ELF2: variants seen among roughly 807,000 people sequenced by gnomAD.
The protein encoded by ELF2 is ETS-related transcription factor Elf-2.
ELF2 carries 11 observed loss-of-function variants against 54.8 expected under a neutral mutation model. The observed-to-expected ratio is 0.20, with a 90% CI of 0.13 to 0.33. The LOEUF is 0.33. Among genes scored for constraint, ELF2 ranks in the 10% least tolerant of loss-of-function variants. ELF2 has a pLI of 1.00. For synonymous variants in ELF2, 203 were observed against 245.1 expected (o/e 0.83, Z 1.61); for missense variants, 513 against 703.0 (o/e 0.73, Z 3.06).
chr4:139,161,953 G>A (rs1289776491), intron 1 of ELF2, among the ~76,000 whole-genome samples: 1 of 152,166 alleles, frequency 6.6e-6, no homozygotes, highest in African/African-American at 2.4e-5. Context: ...AATTAGCTGG[G>A]TGTGGTGGTG....
chr4:139,131,822 A>G (rs1737517771), intron 3 of ELF2, among the ~76,000 whole-genome samples: 1 of 152,100 alleles, frequency 6.6e-6, no homozygotes. Context: ...AGAGATAGAA[A>G]ACATACACCC....
At chr4:139,174,128 G>C (rs1427754253) in intron 1 of ELF2, among the ~76,000 whole-genome samples, 1 of 146,586 alleles carries the variant, frequency 6.8e-6, no homozygotes, top group Non-Finnish European at 1.5e-5. Flanking sequence ...AGAATCGCTT[G>C]AACCGGGTGG....
intron 4 of ELF2, among the ~76,000 whole-genome samples, chr4:139,076,727 G>A (rs1316624608): frequency 2.0e-5 from 3 of 151,760 alleles, no homozygotes; most frequent in East Asian, 3.9e-4. Context: ...TACATATTAC[G>A]TGCCCTGAAT....
intron 1 of ELF2, among the ~76,000 whole-genome samples, chr4:139,168,265 C>T (rs1457699358): frequency 6.6e-6 from 1 of 152,208 alleles, no homozygotes; most frequent in East Asian, 1.9e-4. Context: ...TCTCCATGGT[C>T]ACTTGGTTTC....
chr4:139,151,032 A>AAAAAAAGAAAG (rs1301387000), intron 1 of ELF2, among the ~76,000 whole-genome samples: 25 of 102,532 alleles, frequency 2.4e-4, no homozygotes, highest in African/African-American at 7.1e-4. Context: ...TCAAAAAAAA[A>AAAAAAAGAAAG]AAAGAAAGAA....
At chr4:139,133,055 G>GGGACTACA (rs1737708344) in intron 3 of ELF2, among the ~76,000 whole-genome samples, 1 of 151,566 alleles carries the variant, frequency 6.6e-6, no homozygotes, top group South Asian at 2.1e-4. Context: ...CCAAGTAGCT[G>GGGACTACA]GGACTACAGG....
At position 139,136,758 on chromosome 4, in the gene ELF2, G is replaced by A. The variant is rs1188874600; in HGVS notation, c.72+872C>T. Reference sequence around the variant, plus strand: ...CGGCTCACTGCAAGCTCCGCCTCTCGGGTTCACACCATTCTCCTGCCTCAG... The same window carrying A: ...CGGCTCACTGCAAGCTCCGCCTCTCAGGTTCACACCATTCTCCTGCCTCAG... On this transcript the variant is annotated intron_variant, in intron 3 of 9. Transcript: ENST00000686138. 2.7e-5 allele frequency: 4 copies of A among 150,006 alleles called. No individual in the cohort carries two copies. The East Asian group carries it at 5.9e-4, about 22-fold the overall frequency. 9.3% of individuals were successfully genotyped at this position (150,006 alleles called of 1,614,324 possible). A position where few individuals can be genotyped will look rare whatever the true frequency, so the allele number is the denominator to read the frequency against.
intron 4 of ELF2, among the ~76,000 whole-genome samples, chr4:139,080,976 CCTTT>C (rs1731034982): frequency 6.7e-6 from 1 of 148,940 alleles, no homozygotes; most frequent in African/African-American, 2.5e-5. Context: ...AGAAGCCCTA[CCTTT>C]CCATTAAGTA....
intron 4 of ELF2, among the ~76,000 whole-genome samples, chr4:139,122,857 T>G (rs1035569929): frequency 1.3e-5 from 2 of 151,992 alleles, no homozygotes; most frequent in African/African-American, 4.8e-5. Flanking sequence ...AACTAATCTA[T>G]GAATATTAAC....
chr4:139,070,157 T>C (rs1012360197), intron 6 of ELF2, among the ~76,000 whole-genome samples: 3 of 152,004 alleles, frequency 2.0e-5, no homozygotes, highest in Non-Finnish European at 4.4e-5. Context: ...AATTTTTAAA[T>C]GGTCACTAAG....
intron 4 of ELF2, among the ~76,000 whole-genome samples, chr4:139,081,355 G>A (rs1436702491): frequency 2.0e-5 from 3 of 152,140 alleles, no homozygotes; most frequent in East Asian, 1.9e-4. Context: ...AAGTATATTC[G>A]AGCTTAACAT....
At chr4:139,125,020 T>G in intron 4 of ELF2, 144 bp downstream of exon 4, 1 of 967,970 alleles carries the variant, frequency 1.0e-6, no homozygotes, top group South Asian at 2.1e-5. Flanking sequence ...CAAATTCCCT[T>G]AAACATAGAT....
intron 4 of ELF2, among the ~76,000 whole-genome samples, chr4:139,091,944 T>C (rs897495187): frequency 8.1e-5 from 12 of 148,960 alleles, no homozygotes; most frequent in African/African-American, 2.9e-4. Flanking sequence ...TACACATATA[T>C]ATACACACAT....
chr4:139,069,478 T>C (rs528040266), intron 6 of ELF2, among the ~76,000 whole-genome samples: 4 of 152,302 alleles, frequency 2.6e-5, no homozygotes, highest in Admixed American at 2.6e-4. Context: ...ATCTTCAGCA[T>C]CTCCTAAATT....
chr4:139,088,748 CTTTTTTTTTT>C (rs370525631), intron 4 of ELF2, among the ~76,000 whole-genome samples: 3 of 147,408 alleles, frequency 2.0e-5, no homozygotes, highest in Non-Finnish European at 4.5e-5. Context: ...CCACCTAGGA[CTTTTTTTTTT>C]TCTTTTTTCT....
chr4:139,097,108 G>A (rs938134129), intron 4 of ELF2, among the ~76,000 whole-genome samples: 5 of 152,032 alleles, frequency 3.3e-5, no homozygotes, highest in African/African-American at 9.7e-5. Context: ...TTATTTTCCA[G>A]TAAATACATT....
Position 139,069,437 on chromosome 4 carries a change from T to C in ELF2, c.527-1667A>G, listed in dbSNP as rs191234329. On this transcript the variant is annotated intron_variant, in intron 6 of 9. Coordinates refer to ENST00000686138, the MANE Select transcript of ELF2 (RefSeq NM_001331036.3). ...AATTACTCAATGTAAATAATATTTA[T>C]ACATATGAATCAGACAGTAATAAAA... Among the ~76,000 whole-genome samples the C allele has an allele frequency of 3.0e-3, 458 of 152,328 alleles. 1 individual carries two copies. Among genetic ancestry groups the C allele is most frequent in the African/African-American group, 0.011 (444 of 41,564 alleles).
intron 5 of ELF2, among the ~76,000 whole-genome samples, chr4:139,072,641 T>C (rs1729678086): frequency 6.6e-6 from 1 of 152,254 alleles, no homozygotes; most frequent in Admixed American, 6.5e-5. Context: ...CAAATTGTTA[T>C]CTGGTATTCT....
At chr4:139,142,805 T>C (rs1013753170) in intron 1 of ELF2, among the ~76,000 whole-genome samples, 5 of 151,480 alleles carry the variant, frequency 3.3e-5, no homozygotes, top group Non-Finnish European at 2.9e-5. Context: ...AGGTTGAAGC[T>C]GCAGTGATCC....
Sources: allele counts gnomAD v4.1 joint callset (sites outside exome capture counted in the v4.1 genomes callset), GRCh38; gene constraint gnomAD v4.1.1; transcripts MANE v1.5; gene names NCBI Gene and HGNC (gene_info 2026-07-23, HGNC 2026-07-21).